GFRA1: variants seen among roughly 807,000 people sequenced by gnomAD.
GFRA1 encodes the protein GDNF family receptor alpha 1.
A neutral mutation model predicts 51.6 loss-of-function variants in GFRA1; 16 were observed. That is an observed-to-expected ratio of 0.31 (90% CI 0.21 to 0.47). GFRA1 has a LOEUF of 0.47. Ranked by LOEUF, GFRA1 falls within the 20% of genes least tolerant of loss-of-function variation. The pLI is 1.00. For missense variants in GFRA1, 530 were observed against 594.3 expected (o/e 0.89, Z 1.13); for synonymous variants, 270 against 241.3 (o/e 1.12, Z -1.10).
chr10:116,185,525 C>T (rs1259189154), intron 5 of GFRA1, among the ~76,000 whole-genome samples: 2 of 152,202 alleles, frequency 1.3e-5, no homozygotes, highest in African/African-American at 4.8e-5. Context: ...GTTTACACCT[C>T]CACTCCCCAC....
intron 4 of GFRA1, among the ~76,000 whole-genome samples, chr10:116,246,142 T>C (rs1390186418): frequency 1.3e-5 from 2 of 152,118 alleles, no homozygotes; most frequent in African/African-American, 4.8e-5. Flanking sequence ...TAAAGAGACA[T>C]GTTAATAATA....
At chr10:116,214,397 G>A (rs1965420906) in intron 4 of GFRA1, among the ~76,000 whole-genome samples, 1 of 152,178 alleles carries the variant, frequency 6.6e-6, no homozygotes, top group Admixed American at 6.5e-5. Context: ...GCCATGGCAA[G>A]CTCCTACCTA....
chr10:116,207,458 C>G (rs950822302), intron 5 of GFRA1, among the ~76,000 whole-genome samples: 1 of 152,206 alleles, frequency 6.6e-6, no homozygotes, highest in African/African-American at 2.4e-5. Flanking sequence ...CTCTGCAGAG[C>G]TGGGGAGTAG....
intron 5 of GFRA1, among the ~76,000 whole-genome samples, chr10:116,169,847 T>G (rs903633987): frequency 1.3e-5 from 2 of 152,114 alleles, no homozygotes; most frequent in African/African-American, 2.4e-5. Flanking sequence ...CACTGAGCTG[T>G]GTAACACTTA....
chr10:116,226,150 G>C (rs967942216), intron 4 of GFRA1, among the ~76,000 whole-genome samples: 1 of 152,160 alleles, frequency 6.6e-6, no homozygotes, highest in Non-Finnish European at 1.5e-5. Flanking sequence ...AGTCCACTCA[G>C]CAGTTATAAA....
At chr10:116,271,754 G>A (rs1019877400) in intron 2 of GFRA1, among the ~76,000 whole-genome samples, 6 of 152,278 alleles carry the variant, frequency 3.9e-5, no homozygotes, top group Admixed American at 3.3e-4. Flanking sequence ...CGCCAAGTTG[G>A]GTCATTAAAA....
intron 6 of GFRA1, among the ~76,000 whole-genome samples, chr10:116,110,179 G>A (rs1957153011): frequency 6.6e-6 from 1 of 152,222 alleles, no homozygotes; most frequent in Non-Finnish European, 1.5e-5. Context: ...TGACCTGGCA[G>A]GGGGATGAGA....
chr10:116,195,181 T>C (rs890773214), intron 5 of GFRA1, among the ~76,000 whole-genome samples: 2 of 152,198 alleles, frequency 1.3e-5, no homozygotes, highest in Non-Finnish European at 1.5e-5. Context: ...ACCTCCCCCA[T>C]TGAGCTTTCT....
intron 5 of GFRA1, among the ~76,000 whole-genome samples, chr10:116,131,098 G>A (rs1958085443): frequency 6.6e-6 from 1 of 152,042 alleles, no homozygotes; most frequent in Non-Finnish European, 1.5e-5. Context: ...AATTAAACAT[G>A]GGCCAAATCT....
chr10:116,098,755 C>T (rs1484086002), intron 6 of GFRA1, among the ~76,000 whole-genome samples: 2 of 152,214 alleles, frequency 1.3e-5, no homozygotes, highest in African/African-American at 4.8e-5. Context: ...GATTACTGTC[C>T]TTCAGCGAGA....
intron 9 of GFRA1, among the ~76,000 whole-genome samples, chr10:116,078,753 A>C (rs1955723902): frequency 6.6e-6 from 1 of 152,226 alleles, no homozygotes; most frequent in East Asian, 1.9e-4. Context: ...TATCACACAG[A>C]GACGATGAAA....
In GFRA1 at chr10:116,270,956, T is replaced by C. The variant is rs1318347607; in HGVS notation, c.200A>G (p.Glu67Gly). ...ETNFSLASGL[E>G]AKDECRSAME... ...GGCGCTGCGGCACTCATCCTTGGCC[T>C]CCAGGCCGGATGCCAGGCTGAAGTT... The change falls in exon 3 of 11, where the codon GAG becomes GGG. Residue 67 changes from glutamate (E) to glycine (G), a missense_variant. Transcript: ENST00000355422. 3.7e-6 allele frequency: 6 copies of C among 1,614,086 alleles called. No individual in the cohort carries two copies. Among genetic ancestry groups the C allele is most frequent in the Non-Finnish European group, 5.1e-6 (6 of 1,180,054 alleles).
chr10:116,153,126 T>G (rs989019393), intron 5 of GFRA1, among the ~76,000 whole-genome samples: 1 of 152,190 alleles, frequency 6.6e-6, no homozygotes, highest in Admixed American at 6.5e-5. Context: ...AGAAATAGGC[T>G]GAGGTAGTTA....
chr10:116,236,687 TGAA>T (rs927235923), intron 4 of GFRA1, among the ~76,000 whole-genome samples: 2 of 152,198 alleles, frequency 1.3e-5, no homozygotes, highest in Admixed American at 6.5e-5. Flanking sequence ...AGAATGGAGT[TGAA>T]GAAGGAGAAT....
chr10:116,162,497 G>A (rs1486029837), intron 5 of GFRA1, among the ~76,000 whole-genome samples: 1 of 152,208 alleles, frequency 6.6e-6, no homozygotes, highest in African/African-American at 2.4e-5. Context: ...CTTCTTGCCA[G>A]GCTCCCATGA....
chr10:116,232,639 A>G (rs1411235654), intron 4 of GFRA1, among the ~76,000 whole-genome samples: 1 of 152,226 alleles, frequency 6.6e-6, no homozygotes, highest in Non-Finnish European at 1.5e-5. Context: ...GAAAAGGAGA[A>G]TTGCAAATTA....
intron 4 of GFRA1, among the ~76,000 whole-genome samples, chr10:116,242,196 T>C (rs1393506122): frequency 6.6e-6 from 1 of 152,220 alleles, no homozygotes; most frequent in African/African-American, 2.4e-5. Flanking sequence ...GCGTTGGCAA[T>C]TGAAAGCACA....
rs181750064 is a variant in GFRA1, at chr10:116,233,919, T to C, written c.419-22274A>G. On this transcript the variant is annotated intron_variant, in intron 4 of 10. Coordinates refer to ENST00000355422, the MANE Select transcript of GFRA1 (RefSeq NM_005264.8). The stretch of plus-strand genomic sequence containing the variant: ...CTTTGGGAAAGACTCTGTCATTTAC[T>C]ATAATTGATGCTTCTTGCCAGGGAT... Among the ~76,000 whole-genome samples the C allele has an allele frequency of 1.2e-3, 185 of 152,364 alleles. 1 individual carries two copies. Among genetic ancestry groups the C allele is most frequent in the South Asian group, 3.7e-3 (18 of 4,828 alleles).
chr10:116,232,500 TAC>T (rs1394396180), intron 4 of GFRA1, among the ~76,000 whole-genome samples: 3 of 46,498 alleles, frequency 6.5e-5, no homozygotes, highest in African/African-American at 1.9e-4. Context: ...TGTTTCCTCA[TAC>T]AAAAAAAAAA....
Sources: gnomAD v4.1 joint callset for allele counts (sites outside exome capture counted in the v4.1 genomes callset) on GRCh38, gnomAD v4.1.1 for gene constraint, MANE v1.5 for transcripts, NCBI Gene and HGNC (gene_info 2026-07-23, HGNC 2026-07-21) for gene names.